The following LILRB1 variants were observed in gnomAD, a reference collection of about 807,000 sequenced individuals.
LILRB1 encodes leukocyte immunoglobulin like receptor B1.
LILRB1 carries 59 observed loss-of-function variants against 74.6 expected under a neutral mutation model. The observed-to-expected ratio is 0.79, with a 90% CI of 0.64 to 0.98. The LOEUF (loss-of-function observed/expected upper bound fraction) is 0.98, where lower values mean the gene tolerates loss of function less well. Ranked by LOEUF, LILRB1 falls within the 50% of genes least tolerant of loss-of-function variation. LILRB1 has a pLI of 0.00. For missense variants in LILRB1, 804 were observed against 822.6 expected (o/e 0.98, Z 0.28); for synonymous variants, 328 against 333.9 (o/e 0.98, Z 0.19).
intron 9 of LILRB1, 196 bp downstream of exon 9, chr19:54,634,217 C>A (rs1396207156): frequency 2.0e-6 from 3 of 1,497,000 alleles, no homozygotes; most frequent in East Asian, 4.9e-5. Flanking sequence ...CCAGCTGTGA[C>A]CTCCTGGGAG....
rs138087763 is a variant in LILRB1, at chr19:54,634,964, C to T, written c.1487-140C>T. 560 of 1,446,002 alleles carry T rather than the reference C, an allele frequency of 3.9e-4. 1 individual carries two copies. The African/African-American group carries it at 5.9e-3, about 15-fold the overall frequency. The allele number at this position is 1,446,002 out of a possible 1,614,324, so 89.6% of individuals were successfully genotyped here. On this transcript the variant is annotated intron_variant, in intron 10 of 14. Coordinates refer to ENST00000324602, the MANE Select transcript of LILRB1 (RefSeq NM_001081637.3). ...CCATCTACAAATGTAAAGTGTCCTT[C>T]GGGCTCTGTCCATCCTATGAGGCAT... is the stretch of plus-strand genomic sequence containing the variant.
intron 1 of LILRB1, among the ~76,000 whole-genome samples, chr19:54,625,030 C>T (rs1224641484): frequency 1.5e-5 from 2 of 137,276 alleles, no homozygotes; most frequent in African/African-American, 2.5e-5. Flanking sequence ...AAGTGTCACT[C>T]GGTTTTGCTC....
At chr19:54,630,406 A>G (rs112485558), upstream of LILRB1, 1,359 of 340,234 alleles carry the variant, frequency 4.0e-3, 20 homozygotes, top group African/African-American at 0.027. Flanking sequence ...AGGGGAAGTT[A>G]AGAGGGGACT....
At chr19:54,632,326 A>G in intron 5 of LILRB1, 89 bp downstream of exon 5, 3 of 1,558,058 alleles carry the variant, frequency 1.9e-6, no homozygotes, top group Admixed American at 3.6e-5. Context: ...AGGTGGGATG[A>G]TGTTGGGGCG....
At chr19:54,617,197 A>G (rs2063329311) in exon 1 of LILRB1, 1 of 151,994 alleles carries the variant, frequency 6.6e-6, no homozygotes, top group Admixed American at 6.5e-5. Flanking sequence ...AAAAGAAAAG[A>G]AAAGAAAAAG....
rs764748432 is a variant in LILRB1 at position 54,633,953 on chromosome 19, C to G, written c.1313-18C>G. 1.0e-5 allele frequency: 16 copies of G among 1,583,422 alleles called. No individual in the cohort carries two copies. The South Asian group carries it at 1.7e-4, about 17-fold the overall frequency. On this transcript the variant is annotated intron_variant, in intron 8 of 14. Coordinates refer to ENST00000324602, the MANE Select transcript of LILRB1 (RefSeq NM_001081637.3). ...GGAGCAGGGCAGCCCCAGCCCTCAC[C>G]TCCCCGTCCTGACCCAGCAGGCCCT...
chr19:54,616,817 G>T (rs1418070068), upstream of LILRB1, among the ~76,000 whole-genome samples: 3 of 152,120 alleles, frequency 2.0e-5, no homozygotes, highest in Non-Finnish European at 4.4e-5. Context: ...AAAAGAAAGG[G>T]CATTTTGCTC....
At chr19:54,621,653 G>A (rs556485888) in intron 1 of LILRB1, among the ~76,000 whole-genome samples, 2 of 151,900 alleles carry the variant, frequency 1.3e-5, no homozygotes, top group African/African-American at 2.4e-5. Flanking sequence ...TGTTCATTCT[G>A]TTGATTGTTT....
At chr19:54,634,832 C>G (rs995803781) in intron 10 of LILRB1, 69 bp downstream of exon 10, 1 of 1,576,580 alleles carries the variant, frequency 6.3e-7, no homozygotes, top group Admixed American at 1.8e-5. Context: ...AAAGAGAATC[C>G]AAACCACTGG....
At chr19:54,624,773 TC>T (rs2063536545) in intron 1 of LILRB1, among the ~76,000 whole-genome samples, 1 of 152,008 alleles carries the variant, frequency 6.6e-6, no homozygotes, top group South Asian at 2.1e-4. Flanking sequence ...GATGGGCTGG[TC>T]CCCAGGGCAC....
chr19:54,633,661 C>T lies in LILRB1; in HGVS notation c.1285C>T (p.Pro429Ser). 1.2e-6 allele frequency: 2 copies of T among 1,613,652 alleles called. No individual in the cohort carries two copies. Among genetic ancestry groups the T allele is most frequent in the Non-Finnish European group, 1.7e-6 (2 of 1,179,784 alleles). Residue 429 changes from proline to serine, a missense_variant, in exon 8 of 15, where the codon CCG becomes TCG. Pro to Ser is a moderately conservative substitution (Grantham distance 74). Transcript: ENST00000324602. ...VSGPSGGPSS[P>S]TTGPTSTSAG... ...AGGACCGTCTGGGGGCCCCAGCTCC[C>T]CGACAACAGGCCCCACCTCCACATC...
At position 54,633,525 on chromosome 19, in the gene LILRB1, G is replaced by A. The variant is rs781055250; in HGVS notation, c.1262-113G>A. Reference sequence around the variant, plus strand: ...CGCCAGCATCATGGACAGGAGAGGCGGGTGGAGGGAGGGGCCTGGGGAGGC... The same window carrying A: ...CGCCAGCATCATGGACAGGAGAGGCAGGTGGAGGGAGGGGCCTGGGGAGGC... On this transcript the variant is annotated intron_variant, in intron 7 of 14. Transcript: ENST00000324602. The A allele has an allele frequency of 2.1e-5, 26 of 1,226,452 alleles. No individual in the cohort carries two copies. In the Admixed American group the frequency reaches 3.8e-4, roughly 18 times the overall value. The allele number at this position is 1,226,452 out of a possible 1,614,324, so 76.0% of individuals were successfully genotyped here. A position where few individuals can be genotyped will look rare whatever the true frequency, so the allele number is the denominator to read the frequency against.
chr19:54,620,843 CATA>C (rs1568563378), intron 1 of LILRB1, among the ~76,000 whole-genome samples: 1 of 152,156 alleles, frequency 6.6e-6, no homozygotes, highest in Non-Finnish European at 1.5e-5. Flanking sequence ...CTGCAACAAA[CATA>C]ATGAGTGCAG....
Position 54,631,526 on chromosome 19 carries a change from G to C in LILRB1, c.97G>C (p.Ala33Pro). 1 of 1,613,714 alleles carries C rather than the reference G, an allele frequency of 6.2e-7. No homozygotes were observed. Among genetic ancestry groups the C allele is most frequent in the East Asian group, 2.2e-5 (1 of 44,878 alleles). The change falls in exon 4 of 15, where the codon GCT becomes CCT. Residue 33 changes from alanine to proline, a missense_variant. Coordinates refer to ENST00000324602, the MANE Select transcript of LILRB1 (RefSeq NM_001081637.3). Reference sequence around the variant, plus strand: ...GCACCTCCCCAAGCCCACCCTCTGGGCTGAACCAGGCTCTGTGATCACCCA... The same window carrying C: ...GCACCTCCCCAAGCCCACCCTCTGGCCTGAACCAGGCTCTGTGATCACCCA... ...AGHLPKPTLWAEPGSVITQGS... is the reference protein window; with the variant it reads ...AGHLPKPTLWPEPGSVITQGS...
chr19:54,622,516 AT>A (rs1014775309), intron 1 of LILRB1, among the ~76,000 whole-genome samples: 1 of 152,120 alleles, frequency 6.6e-6, no homozygotes, highest in Admixed American at 6.6e-5. Context: ...TTGTAGCTTG[AT>A]TTTTTTATCC....
chr19:54,617,056 A>G (rs1487823721), upstream of LILRB1: 1 of 152,260 alleles, frequency 6.6e-6, no homozygotes, highest in Non-Finnish European at 1.5e-5. Flanking sequence ...GGAAGAAATG[A>G]CTCAGTGGTG....
chr19:54,621,060 G>A (rs2063443340), intron 1 of LILRB1, among the ~76,000 whole-genome samples: 1 of 151,840 alleles, frequency 6.6e-6, no homozygotes, highest in Non-Finnish European at 1.5e-5. Context: ...TTTTAGTAGA[G>A]ACAGGGTTTC....
At chr19:54,635,821 A>G in intron 13 of LILRB1, 1 of 714,174 alleles carries the variant, frequency 1.4e-6, no homozygotes, top group Non-Finnish European at 2.6e-6. Flanking sequence ...CCTGCTCCTC[A>G]TCCTCTGTTT....
intron 1 of LILRB1, among the ~76,000 whole-genome samples, chr19:54,618,130 AAG>A (rs2063360983): frequency 6.8e-6 from 1 of 146,206 alleles, no homozygotes; most frequent in Non-Finnish European, 1.5e-5. Context: ...AAAAGAAAAA[AAG>A]AAAAAAAAAG....
Sources: gnomAD v4.1 joint callset for allele counts (sites outside exome capture counted in the v4.1 genomes callset) on GRCh38, gnomAD v4.1.1 for gene constraint, MANE v1.5 for transcripts, NCBI Gene and HGNC (gene_info 2026-07-23, HGNC 2026-07-21) for gene names.